The following FTO variants were observed in gnomAD, a reference collection of about 807,000 sequenced individuals.
FTO encodes the protein FTO alpha-ketoglutarate dependent dioxygenase.
A neutral mutation model predicts 63.9 loss-of-function variants in FTO; 47 were observed. The ratio of observed to expected loss-of-function variants is 0.74; its 90% confidence interval spans 0.58 to 0.94. The LOEUF is 0.94. Ranked by LOEUF, FTO falls within the 40% of genes least tolerant of loss-of-function variation. The pLI is 0.00. For missense variants in FTO, 562 were observed against 618.1 expected, an observed-to-expected ratio of 0.91 and a Z score of 0.96; for synonymous variants, 207 against 224.4, an observed-to-expected ratio of 0.92 and a Z score of 0.69.
intron 8 of FTO, among the ~76,000 whole-genome samples, chr16:54,084,290 C>CA (rs1179403224): frequency 5.9e-5 from 9 of 152,184 alleles, no homozygotes; most frequent in Non-Finnish European, 1.5e-5. Flanking sequence ...AGGTACTTGA[C>CA]AAATGTTACT....
At chr16:53,848,961 CT>C (rs2079711276) in intron 4 of FTO, among the ~76,000 whole-genome samples, 1 of 152,240 alleles carries the variant, frequency 6.6e-6, no homozygotes, top group Non-Finnish European at 1.5e-5. Flanking sequence ...CTAAATCTCA[CT>C]TTCAAGTATT....
At chr16:53,832,631 G>T (rs1025283214) in intron 3 of FTO, among the ~76,000 whole-genome samples, 13 of 152,172 alleles carry the variant, frequency 8.5e-5, no homozygotes, top group East Asian at 1.9e-4. Flanking sequence ...TATGTGCACG[G>T]TTTTTTTGTC....
chr16:53,977,250 G>A (rs2083453351), intron 8 of FTO, among the ~76,000 whole-genome samples: 2 of 151,974 alleles, frequency 1.3e-5, no homozygotes, highest in African/African-American at 4.8e-5. Flanking sequence ...ATGATGACAT[G>A]GGTTTTCTCC....
rs538598514 is a variant in FTO, at chr16:53,810,734, C to G, written c.123+517C>G. On this transcript the variant is annotated intron_variant, in intron 2 of 8. Coordinates refer to ENST00000471389, the MANE Select transcript of FTO (RefSeq NM_001080432.3). ...ATGACAAAAACCCAAATCAAACTCA[C>G]AGTGGCAAAAAATAAGGGGAATTTA... 1.4e-4 allele frequency among the ~76,000 whole-genome samples: 21 copies of G among 152,290 alleles called. No individual in the cohort carries two copies. In the South Asian group the frequency reaches 4.1e-3, roughly 30 times the overall value.
intron 7 of FTO, among the ~76,000 whole-genome samples, chr16:53,928,822 G>T (rs1368531369): frequency 1.3e-5 from 2 of 151,834 alleles, no homozygotes; most frequent in Non-Finnish European, 2.9e-5. Context: ...CAACCCTATA[G>T]GTTTTTTATG....
At chr16:53,927,187 G>A (rs560574420) in intron 7 of FTO, among the ~76,000 whole-genome samples, 1 of 152,272 alleles carries the variant, frequency 6.6e-6, no homozygotes, top group East Asian at 1.9e-4. Context: ...AGATGGGCCT[G>A]AACTAAGCCT....
At chr16:53,741,597 A>T (rs1419274189) in intron 1 of FTO, among the ~76,000 whole-genome samples, 1 of 152,218 alleles carries the variant, frequency 6.6e-6, no homozygotes, top group Non-Finnish European at 1.5e-5. Flanking sequence ...AATCTGAATC[A>T]TGACCTAGGT....
intron 1 of FTO, among the ~76,000 whole-genome samples, chr16:53,787,452 C>T (rs2077780039): frequency 6.6e-6 from 1 of 151,256 alleles, no homozygotes; most frequent in African/African-American, 2.4e-5. Context: ...GATCAGGATA[C>T]TAAGGATTTT....
chr16:53,997,358 T>TAC (rs1311537127), intron 8 of FTO, among the ~76,000 whole-genome samples: 1 of 152,040 alleles, frequency 6.6e-6, no homozygotes, highest in African/African-American at 2.4e-5. Context: ...TTTGGGGAAC[T>TAC]ACAATTCAAG....
At chr16:53,884,378 G>T (rs2080942188) in intron 6 of FTO, among the ~76,000 whole-genome samples, 1 of 152,144 alleles carries the variant, frequency 6.6e-6, no homozygotes, top group Non-Finnish European at 1.5e-5. Flanking sequence ...ATTTTCTTCT[G>T]ATCAGACCTG....
chr16:53,917,553 T>C (rs1319036590), intron 7 of FTO, among the ~76,000 whole-genome samples: 1 of 152,148 alleles, frequency 6.6e-6, no homozygotes, highest in Non-Finnish European at 1.5e-5. Flanking sequence ...TATGTTTTTG[T>C]TATTGTTGTT....
intron 7 of FTO, among the ~76,000 whole-genome samples, chr16:53,926,149 G>T (rs1427984085): frequency 2.0e-5 from 3 of 152,154 alleles, no homozygotes; most frequent in Non-Finnish European, 4.4e-5. Context: ...TATTAGGAGG[G>T]TATATTTTTA....
At chr16:54,107,110 A>G (rs1313852454) in intron 8 of FTO, among the ~76,000 whole-genome samples, 1 of 149,234 alleles carries the variant, frequency 6.7e-6, no homozygotes, top group Non-Finnish European at 1.5e-5. Context: ...AATAATAGGT[A>G]TACATATAAA....
intron 8 of FTO, among the ~76,000 whole-genome samples, chr16:53,953,404 G>A (rs182637380): frequency 1.3e-5 from 2 of 152,296 alleles, no homozygotes; most frequent in Admixed American, 6.5e-5. Flanking sequence ...TGTAGGCCTT[G>A]TAATTTAGAA....
At chr16:53,889,596 T>C (rs2081096546) in intron 7 of FTO, among the ~76,000 whole-genome samples, 1 of 152,190 alleles carries the variant, frequency 6.6e-6, no homozygotes, top group Admixed American at 6.5e-5. Flanking sequence ...TCAGACCACT[T>C]GAGCCGGCTG....
rs1214122881 is a variant in FTO at position 53,719,414 on chromosome 16, C to T, written c.45+15185C>T. Among the ~76,000 whole-genome samples the T allele has an allele frequency of 3.3e-5, 5 of 151,834 alleles. No homozygotes were observed. The East Asian group carries it at 9.6e-4, about 29-fold the overall frequency. On this transcript the variant is annotated intron_variant, in intron 1 of 8. Transcript: ENST00000471389. ...GCCTGGCTATTGTCTATTTAGTTTTCTTCTTGAGTAAATTTTGGTCATTAT... is the reference window on the plus strand; with the variant it reads ...GCCTGGCTATTGTCTATTTAGTTTTTTTCTTGAGTAAATTTTGGTCATTAT...
chr16:54,079,337 G>A (rs2086083697), intron 8 of FTO, among the ~76,000 whole-genome samples: 1 of 152,294 alleles, frequency 6.6e-6, no homozygotes, highest in East Asian at 1.9e-4. Flanking sequence ...TTATGAACTG[G>A]CATCGTCCTA....
At chr16:54,033,337 G>C (rs997248580) in intron 8 of FTO, among the ~76,000 whole-genome samples, 1 of 152,158 alleles carries the variant, frequency 6.6e-6, no homozygotes, top group Non-Finnish European at 1.5e-5. Flanking sequence ...GAGAAATGAA[G>C]TTGAGACTGT....
At chr16:53,784,413 G>A (rs993843887) in intron 1 of FTO, among the ~76,000 whole-genome samples, 1 of 152,178 alleles carries the variant, frequency 6.6e-6, no homozygotes, top group Non-Finnish European at 1.5e-5. Context: ...GTTATATGGT[G>A]ACTTTCAAAA....
Sources: allele counts gnomAD v4.1 joint callset (sites outside exome capture counted in the v4.1 genomes callset), GRCh38; gene constraint gnomAD v4.1.1; transcripts MANE v1.5; gene names NCBI Gene and HGNC (gene_info 2026-07-23, HGNC 2026-07-21).